CSMD1: variants seen among roughly 807,000 people sequenced by gnomAD.
CSMD1 encodes the protein CUB and Sushi multiple domains 1.
CSMD1 carries 213 observed loss-of-function variants against 417.5 expected under a neutral mutation model. The observed-to-expected ratio is 0.51, with a 90% CI of 0.46 to 0.57. CSMD1 has a LOEUF of 0.57. Ranked by LOEUF, CSMD1 falls within the 20% of genes least tolerant of loss-of-function variation. The pLI is 0.00. For synonymous variants in CSMD1, 2,862 were observed against 1,736.8 expected (o/e 1.65, Z -16.11); for missense variants, 6,923 against 4,529.7 (o/e 1.53, Z -15.17).
intron 2 of CSMD1, among the ~76,000 whole-genome samples, chr8:4,532,214 C>T (rs1464006978): frequency 2.0e-5 from 3 of 150,380 alleles, no homozygotes; most frequent in Non-Finnish European, 4.4e-5. Flanking sequence ...AATCCTGCAC[C>T]CCCATTCACA....
At chr8:3,087,047 T>G (rs1413840335) in intron 49 of CSMD1, 50 bp downstream of exon 49, 16 of 1,463,846 alleles carry the variant, frequency 1.1e-5, no homozygotes, top group South Asian at 3.5e-5. Flanking sequence ...GTGATTAAAA[T>G]GAGAGCAATA....
At chr8:4,237,867 A>G (rs546673611) in intron 3 of CSMD1, among the ~76,000 whole-genome samples, 1 of 152,150 alleles carries the variant, frequency 6.6e-6, no homozygotes, top group African/African-American at 2.4e-5. Context: ...TTTCTGGACA[A>G]TGCCTTATGT....
At chr8:4,674,385 A>C (rs1209536157) in intron 1 of CSMD1, among the ~76,000 whole-genome samples, 1 of 152,154 alleles carries the variant, frequency 6.6e-6, no homozygotes, top group Non-Finnish European at 1.5e-5. Flanking sequence ...GTTGAAAAAA[A>C]GTTCTGAAGA....
At chr8:3,385,416 T>C (rs1289946471) in intron 18 of CSMD1, among the ~76,000 whole-genome samples, 1 of 151,648 alleles carries the variant, frequency 6.6e-6, no homozygotes, top group Admixed American at 6.6e-5. Flanking sequence ...TCTATTGACC[T>C]GTTATCCTGA....
At position 4,001,896 on chromosome 8, in the gene CSMD1, G is replaced by GAA. The variant is rs145213672; in HGVS notation, c.611-3788_611-3787dup. Among the ~76,000 whole-genome samples, 6 of 149,620 alleles carry GAA rather than the reference G, an allele frequency of 4.0e-5. No homozygotes were observed. In the East Asian group the frequency reaches 5.9e-4, roughly 15 times the overall value. Reference sequence around the variant, plus strand: ...AAAAAACAATTAAGGTAGCACAGAGGAAAAAAAAAATTCCCAAACCTTATG... The same window carrying GAA: ...AAAAAACAATTAAGGTAGCACAGAGGAAAAAAAAAAAATTCCCAAACCTTATG... On this transcript the variant is annotated intron_variant, in intron 4 of 69. Coordinates refer to ENST00000635120, the MANE Select transcript of CSMD1 (RefSeq NM_033225.6).
intron 10 of CSMD1, among the ~76,000 whole-genome samples, chr8:3,527,177 A>G (rs1465771314): frequency 6.6e-6 from 1 of 152,178 alleles, no homozygotes; most frequent in Non-Finnish European, 1.5e-5. Context: ...AAAAAATAAA[A>G]TTTTAATATA....
rs181238155 is a variant in CSMD1 at position 4,158,572 on chromosome 8, G to T, written c.416-126473C>A. On this transcript the variant is annotated intron_variant, in intron 3 of 69. Coordinates refer to ENST00000635120, the MANE Select transcript of CSMD1 (RefSeq NM_033225.6). ...GTTGTGTCCTAGGTTCACTATGACA[G>T]AACAGTCCTCGTTCCCCTCCTTCTT... Among the ~76,000 whole-genome samples, 91 of 152,252 alleles carry T rather than the reference G, an allele frequency of 6.0e-4. 1 individual carries two copies. The highest frequency in any genetic ancestry group is 3.4e-3 in the Middle Eastern group (1 of 294).
At chr8:4,184,595 G>A (rs1366209217) in intron 3 of CSMD1, among the ~76,000 whole-genome samples, 1 of 151,850 alleles carries the variant, frequency 6.6e-6, no homozygotes, top group African/African-American at 2.4e-5. Context: ...ATTATCTTTA[G>A]CAAACTAACA....
intron 5 of CSMD1, among the ~76,000 whole-genome samples, chr8:3,790,556 A>C (rs1799679223): frequency 6.6e-6 from 1 of 152,218 alleles, no homozygotes. Flanking sequence ...AACTTAGACA[A>C]CTAGGAACAA....
chr8:3,547,514 C>T (rs1438484246), intron 10 of CSMD1, among the ~76,000 whole-genome samples: 1 of 152,096 alleles, frequency 6.6e-6, no homozygotes, highest in Non-Finnish European at 1.5e-5. Flanking sequence ...TGCCTGATCA[C>T]GTCTCTCAAA....
At chr8:4,394,642 T>C (rs774836022) in intron 3 of CSMD1, among the ~76,000 whole-genome samples, 3 of 150,502 alleles carry the variant, frequency 2.0e-5, no homozygotes, top group Non-Finnish European at 4.4e-5. Context: ...ACTCCTGTGA[T>C]AGTAGTAGAA....
rs1273297745 is a variant in CSMD1 at position 3,616,795 on chromosome 8, T to A, written c.1012A>T (p.Ser338Cys). The change falls in exon 8 of 70, where the codon AGC (serine) becomes TGC (cysteine). Residue 338 changes from serine (S) to cysteine (C), a missense_variant and splice_region_variant. By Grantham distance (112) the Ser-to-Cys change is moderately radical. Coordinates refer to ENST00000635120, the MANE Select transcript of CSMD1 (RefSeq NM_033225.6). ...KDGSHKNSVL[S>C]QGGVALVSDM... ...GAGACCAATGCAACACCTCCTTGGC[T>A]CACTGTAATAGACAGAAACATTGTC... 3 of 1,606,764 alleles carry A rather than the reference T, an allele frequency of 1.9e-6. No individual in the cohort carries two copies. Among genetic ancestry groups the A allele is most frequent in the Non-Finnish European group, 2.6e-6 (3 of 1,174,838 alleles).
intron 41 of CSMD1, among the ~76,000 whole-genome samples, chr8:3,141,388 T>A (rs1438748459): frequency 1.3e-5 from 2 of 152,220 alleles, no homozygotes; most frequent in East Asian, 3.9e-4. Context: ...GGGAAGGAAT[T>A]CAATTCCTGG....
At chr8:3,240,974 G>A (rs1265373083) in intron 26 of CSMD1, among the ~76,000 whole-genome samples, 1 of 151,532 alleles carries the variant, frequency 6.6e-6, no homozygotes, top group East Asian at 1.9e-4. Context: ...CATTGAGCAG[G>A]GTAAGGGTGA....
At chr8:4,092,052 T>C (rs1233320652) in intron 3 of CSMD1, among the ~76,000 whole-genome samples, 1 of 152,184 alleles carries the variant, frequency 6.6e-6, no homozygotes, top group African/African-American at 2.4e-5. Context: ...GGGGCAATTT[T>C]ATTTCATTGC....
intron 9 of CSMD1, 131 bp downstream of exon 9, chr8:3,586,005 A>C (rs1800583270): frequency 4.4e-6 from 4 of 917,790 alleles, no homozygotes; most frequent in Non-Finnish European, 4.7e-6. Flanking sequence ...CCACATCACT[A>C]TGAAAACATA....
intron 1 of CSMD1, among the ~76,000 whole-genome samples, chr8:4,949,680 A>C (rs1289123899): frequency 6.6e-6 from 1 of 152,204 alleles, no homozygotes; most frequent in African/African-American, 2.4e-5. Context: ...GAAATACTGC[A>C]TTAGTTATTA....
chr8:3,729,922 TAAAAAAAAAAAAAA>T (rs1160679199), intron 6 of CSMD1, among the ~76,000 whole-genome samples: 3 of 47,060 alleles, frequency 6.4e-5, no homozygotes, highest in African/African-American at 4.1e-4. Context: ...CAATTCAAAG[TAAAAAAAAAAAAAA>T]AAAAAAAAAA....
intron 10 of CSMD1, among the ~76,000 whole-genome samples, chr8:3,500,425 C>A (rs929261958): frequency 1.3e-5 from 2 of 152,078 alleles, no homozygotes; most frequent in Non-Finnish European, 2.9e-5. Context: ...CACGACCAGA[C>A]ACACAGAAAT....
Sources: allele counts gnomAD v4.1 joint callset (sites outside exome capture counted in the v4.1 genomes callset), GRCh38; gene constraint gnomAD v4.1.1; transcripts MANE v1.5; gene names NCBI Gene and HGNC (gene_info 2026-07-23, HGNC 2026-07-21).